The following NPAS3 variants were observed in gnomAD, a reference collection of about 807,000 sequenced individuals.
The protein encoded by NPAS3 is neuronal PAS domain-containing protein 3.
In NPAS3, 14 loss-of-function variants were observed where a neutral mutation model predicts 73.1. The observed-to-expected ratio is 0.19, with a 90% CI of 0.13 to 0.30. The LOEUF is 0.30. Among genes scored for constraint, NPAS3 ranks in the 10% least tolerant of loss-of-function variants. The probability of loss-of-function intolerance (pLI) is 1.00; values close to 1 mark genes in which losing one functional copy is unlikely to be tolerated. For synonymous variants in NPAS3, 620 were observed against 541.5 expected (o/e 1.14, Z -2.01); for missense variants, 1,096 against 1,250.0 (o/e 0.88, Z 1.86).
At chr14:33,762,906 TC>T (rs2062340644) in intron 7 of NPAS3, among the ~76,000 whole-genome samples, 1 of 152,158 alleles carries the variant, frequency 6.6e-6, no homozygotes, top group Admixed American at 6.5e-5. Context: ...TTAAGTTTGA[TC>T]GAATCATTTA....
At chr14:33,761,464 C>T (rs1423884847) in intron 7 of NPAS3, among the ~76,000 whole-genome samples, 2 of 151,608 alleles carry the variant, frequency 1.3e-5, no homozygotes, top group African/African-American at 4.9e-5. Context: ...GGAAAAATAT[C>T]CTCAAGGCAT....
chr14:33,166,119 A>G (rs2045134619), intron 2 of NPAS3, among the ~76,000 whole-genome samples: 1 of 152,280 alleles, frequency 6.6e-6, no homozygotes, highest in African/African-American at 2.4e-5. Flanking sequence ...CCGGCCTCAT[A>G]GGCCTGCGAC....
intron 2 of NPAS3, among the ~76,000 whole-genome samples, chr14:33,089,707 A>G (rs2042158421): frequency 6.6e-6 from 1 of 152,288 alleles, no homozygotes; most frequent in African/African-American, 2.4e-5. Flanking sequence ...CAGATTCACC[A>G]AAGTTGAAAT....
At chr14:33,628,643 T>C (rs1390790353) in intron 5 of NPAS3, among the ~76,000 whole-genome samples, 1 of 152,250 alleles carries the variant, frequency 6.6e-6, no homozygotes, top group Non-Finnish European at 1.5e-5. Flanking sequence ...CCAAAGATTA[T>C]GTCAAGAAGT....
At chr14:33,431,151 A>T (rs912558413) in intron 4 of NPAS3, among the ~76,000 whole-genome samples, 5 of 152,150 alleles carry the variant, frequency 3.3e-5, no homozygotes, top group Admixed American at 2.0e-4. Context: ...GTGTTGGTTG[A>T]TTACTTTTCC....
intron 4 of NPAS3, among the ~76,000 whole-genome samples, chr14:33,369,570 T>C (rs552880740): frequency 6.6e-6 from 1 of 152,214 alleles, no homozygotes; most frequent in African/African-American, 2.4e-5. Flanking sequence ...CTGTAGACTT[T>C]CAGGAGAAAT....
At chr14:33,373,853 C>A (rs1463416261) in intron 4 of NPAS3, among the ~76,000 whole-genome samples, 1 of 152,136 alleles carries the variant, frequency 6.6e-6, no homozygotes, top group Non-Finnish European at 1.5e-5. Flanking sequence ...CCTCCAAGAA[C>A]ATTCTAAGAT....
intron 9 of NPAS3, among the ~76,000 whole-genome samples, chr14:33,792,917 G>T (rs997291192): frequency 6.6e-6 from 1 of 152,218 alleles, no homozygotes; most frequent in African/African-American, 2.4e-5. Context: ...GCTGCGATCC[G>T]CAGCCAAGTA....
At position 33,282,626 on chromosome 14, in the gene NPAS3, C is replaced by T. The variant is rs549692105; in HGVS notation, c.385+67200C>T. The stretch of plus-strand genomic sequence containing the variant: ...GCTTCCAGTGAACTTGGCATCCATC[C>T]ACTGTGACTGAAATAACATGAAATT... On this transcript the variant is annotated intron_variant, in intron 3 of 11. Transcript: ENST00000356141. Among the ~76,000 whole-genome samples the T allele has an allele frequency of 3.8e-4, 58 of 152,252 alleles. No individual in the cohort carries two copies. In the South Asian group the frequency reaches 0.012, roughly 30 times the overall value.
At chr14:32,999,949 G>C (rs2038744440) in intron 1 of NPAS3, among the ~76,000 whole-genome samples, 1 of 152,162 alleles carries the variant, frequency 6.6e-6, no homozygotes, top group South Asian at 2.1e-4. Context: ...TGATGAAGTG[G>C]ACAGAAAGGC....
At chr14:33,085,392 G>T (rs2041989961) in intron 2 of NPAS3, among the ~76,000 whole-genome samples, 1 of 152,184 alleles carries the variant, frequency 6.6e-6, no homozygotes, top group South Asian at 2.1e-4. Flanking sequence ...TCAGCTAATT[G>T]TGCTACAAAT....
At chr14:33,783,296 T>A (rs945847484) in intron 9 of NPAS3, among the ~76,000 whole-genome samples, 2 of 152,210 alleles carry the variant, frequency 1.3e-5, no homozygotes, top group African/African-American at 4.8e-5. Context: ...GACTTTTTTC[T>A]GTTTTCTGAT....
At chr14:32,979,250 T>C (rs2037804625) in intron 1 of NPAS3, among the ~76,000 whole-genome samples, 1 of 152,220 alleles carries the variant, frequency 6.6e-6, no homozygotes, top group African/African-American at 2.4e-5. Context: ...TTAAAACCTC[T>C]ATGCCTTCAA....
chr14:33,717,249 A>T (rs1414534707), intron 6 of NPAS3, among the ~76,000 whole-genome samples: 2 of 150,990 alleles, frequency 1.3e-5, no homozygotes, highest in African/African-American at 4.9e-5. Flanking sequence ...AAAAAAAAAA[A>T]ATCGCAAGGA....
At chr14:32,948,077 G>A (rs191450025) in intron 1 of NPAS3, among the ~76,000 whole-genome samples, 1 of 152,212 alleles carries the variant, frequency 6.6e-6, no homozygotes, top group East Asian at 1.9e-4. Context: ...CATTTAAACA[G>A]TCTGTTCATA....
intron 4 of NPAS3, among the ~76,000 whole-genome samples, chr14:33,427,533 A>G (rs185285323): frequency 8.6e-5 from 13 of 151,786 alleles, no homozygotes; most frequent in African/African-American, 2.9e-4. Flanking sequence ...CTCTCCGTGA[A>G]TGGGACTAAG....
At chr14:32,936,681 C>T (rs1045603606), upstream of NPAS3, among the ~76,000 whole-genome samples, 16 of 152,158 alleles carry the variant, frequency 1.1e-4, no homozygotes, top group African/African-American at 3.6e-4. Flanking sequence ...TAACTTATAC[C>T]ATATAAATTG....
exon 12 of NPAS3, chr14:33,799,812 A>G (rs370797702): frequency 1.9e-6 from 3 of 1,613,892 alleles, no homozygotes; most frequent in Non-Finnish European, 2.5e-6. Context: ...GACCGGAAGA[A>G]GTCGGGCAAC....
intron 7 of NPAS3, among the ~76,000 whole-genome samples, chr14:33,751,888 G>C (rs921663938): frequency 3.9e-5 from 6 of 152,172 alleles, no homozygotes; most frequent in Admixed American, 1.3e-4. Context: ...CAGTTCTCAA[G>C]TGAACAGTAA....
Sources: gnomAD v4.1 joint callset for allele counts (sites outside exome capture counted in the v4.1 genomes callset) on GRCh38, gnomAD v4.1.1 for gene constraint, MANE v1.5 for transcripts, NCBI Gene and HGNC (gene_info 2026-07-23, HGNC 2026-07-21) for gene names.